Variants in PARP14 observed in about 807,000 individuals in gnomAD.
PARP14 encodes protein mono-ADP-ribosyltransferase PARP14.
A neutral mutation model predicts 154.2 loss-of-function variants in PARP14; 59 were observed. The observed-to-expected ratio is 0.38, with a 90% CI of 0.31 to 0.48. The LOEUF is 0.48. PARP14 is among the 20% of genes least tolerant of loss of function. PARP14 has a pLI of 0.98. For synonymous variants in PARP14, 720 were observed against 780.5 expected (o/e 0.92, Z 1.29); for missense variants, 1,734 against 2,131.6 (o/e 0.81, Z 3.67).
At chr3:122,694,292 T>C (rs1420348834) in intron 4 of PARP14, among the ~76,000 whole-genome samples, 2 of 152,186 alleles carry the variant, frequency 1.3e-5, no homozygotes, top group African/African-American at 4.8e-5. Context: ...GATCTTTCCC[T>C]ATCCATCTGG....
Position 122,720,270 on chromosome 3 carries a change from A to G in PARP14, c.4823A>G (p.His1608Arg), listed in dbSNP as rs749106059. 3.7e-6 allele frequency: 6 copies of G among 1,613,258 alleles called. No homozygotes were observed. The highest frequency in any genetic ancestry group is 5.1e-6 in the Non-Finnish European group (6 of 1,179,646). ...LTKSKVDIPA[H>R]WSDMKQQNFC... ...TCCTTTGCAGTTGACATCCCTGCAC[A>G]CTGGAGTGATATGAAGCAGCAGAAT... The change falls in exon 15 of 17, where the codon CAC becomes CGC. Residue 1608 changes from histidine (H) to arginine (R), a missense_variant. Physicochemically the swap from His to Arg is conservative, Grantham distance 29. Transcript: ENST00000474629.
intron 6 of PARP14, among the ~76,000 whole-genome samples, chr3:122,703,027 A>C (rs1187597676): frequency 2.0e-5 from 2 of 100,166 alleles, no homozygotes; most frequent in African/African-American, 6.8e-5. Context: ...AAAAAAACAA[A>C]AAACAAAAAA....
At chr3:122,714,148 G>A in intron 11 of PARP14, 114 bp from the exon 12 acceptor site, 1 of 896,776 alleles carries the variant, frequency 1.1e-6, no homozygotes, top group Middle Eastern at 2.5e-4. Flanking sequence ...TAGTATTTCA[G>A]GAGTTTTTTT....
At chr3:122,723,180 T>G (rs1455180108) in intron 15 of PARP14, among the ~76,000 whole-genome samples, 1 of 151,978 alleles carries the variant, frequency 6.6e-6, no homozygotes, top group East Asian at 1.9e-4. Flanking sequence ...CCTCAAGTGA[T>G]CCCCCCGCCT....
rs1435496068 is a variant in PARP14 at position 122,730,793 on chromosome 3, T to C, written c.*2196T>C. 1 of 152,660 alleles carries C rather than the reference T, an allele frequency of 6.6e-6. No individual in the cohort carries two copies. The highest frequency in any genetic ancestry group is 2.4e-5 in the African/African-American group (1 of 41,468). 9.5% of individuals were successfully genotyped at this position (152,660 alleles called of 1,614,324 possible). A position where few individuals can be genotyped will look rare whatever the true frequency, so the allele number is the denominator to read the frequency against. On this transcript the variant is annotated 3_prime_UTR_variant, in exon 17 of 17. Coordinates refer to ENST00000474629, the MANE Select transcript of PARP14 (RefSeq NM_017554.3). Reference sequence around the variant, plus strand: ...TATAGTTATCCTCAATCTAAATATGTCAACTGTCATTTTGCTACTTTTCAA... The same window carrying C: ...TATAGTTATCCTCAATCTAAATATGCCAACTGTCATTTTGCTACTTTTCAA...
intron 6 of PARP14, among the ~76,000 whole-genome samples, chr3:122,702,993 TA>T (rs10707029): frequency 0.35 from 28,936 of 83,536 alleles, 3,412 homozygotes; most frequent in East Asian, 0.53. Flanking sequence ...CCCTCTCTCT[TA>T]AAAAAAAAAA....
In PARP14 at chr3:122,728,393, G is replaced by A. The variant is rs768934315; in HGVS notation, c.5202G>A (p.Gly1734=). The A allele has an allele frequency of 1.6e-5, 26 of 1,613,558 alleles. No homozygotes were observed. In the Admixed American group the frequency reaches 4.0e-4, roughly 25 times the overall value. ...CGTACTCCAGACCAGATGCAAATGG[G>A]AGAAAGCATGTGTATTATGTGCGAG... ...NDTYSRPDAN[G]RKHVYYVRVL... Residue 1734 remains glycine, a synonymous_variant, in exon 17 of 17, where the codon GGG becomes GGA. Transcript: ENST00000474629.
chr3:122,682,441 C>T (rs993007994), intron 1 of PARP14, among the ~76,000 whole-genome samples: 4 of 152,022 alleles, frequency 2.6e-5, no homozygotes, highest in Non-Finnish European at 5.9e-5. Context: ...GGGTGGGAAG[C>T]GTGTATTTAA....
chr3:122,701,061 C>A lies in PARP14; in HGVS notation c.2507C>A (p.Ala836Glu). 2 of 1,613,948 alleles carry A rather than the reference C, an allele frequency of 1.2e-6. No individual in the cohort carries two copies. Among genetic ancestry groups the A allele is most frequent in the Non-Finnish European group, 1.7e-6 (2 of 1,179,844 alleles). Residue 836 changes from alanine to glutamate, a missense_variant, in exon 6 of 17, where the codon GCG (alanine) becomes GAG (glutamate). Physicochemically the swap from Ala to Glu is moderately radical, Grantham distance 107. Around this residue, in one of 2 missense-constraint regions of PARP14, gnomAD observed 1,646 missense variants for 1,976.0 expected, o/e 0.83. Transcript: ENST00000474629. This position sits in a 1 kb window ranked among gnomAD's most constrained non-coding sequence, Gnocchi z 4.0. Reference sequence around the variant, plus strand: ...AAGCATTATGGTGGCCTGGCCGCTGCGCTCTCAAAAGCAGCTGGCCCTGAG... The same window carrying A: ...AAGCATTATGGTGGCCTGGCCGCTGAGCTCTCAAAAGCAGCTGGCCCTGAG... ...DLKHYGGLAA[A>E]LSKAAGPELQ...
intron 4 of PARP14, among the ~76,000 whole-genome samples, chr3:122,694,737 C>T (rs1032786570): frequency 3.3e-5 from 5 of 152,164 alleles, no homozygotes; most frequent in Middle Eastern, 3.4e-3. Context: ...CCAGGCTTTT[C>T]TCGAACTCCT....
chr3:122,691,572 G>A (rs1261621190), intron 3 of PARP14, among the ~76,000 whole-genome samples: 4 of 152,154 alleles, frequency 2.6e-5, no homozygotes, highest in Admixed American at 1.3e-4. Flanking sequence ...TGTGTTAGGT[G>A]ATACCCATGT....
Position 122,701,325 on chromosome 3 carries a change from G to T in PARP14, c.2771G>T (p.Gly924Val), listed in dbSNP as rs762187881. The T allele has an allele frequency of 6.2e-7, 1 of 1,614,026 alleles. No homozygotes were observed. Among genetic ancestry groups the T allele is most frequent in the Non-Finnish European group, 8.5e-7 (1 of 1,179,890 alleles). ...RSIAIPAISS[G>V]VFGFPLGRCV... ...ATAGCCATCCCAGCTATTAGTTCTG[G>T]AGTCTTTGGCTTTCCCTTAGGCCGA... The change falls in exon 6 of 17, where the codon GGA becomes GTA. Residue 924 changes from glycine to valine, a missense_variant. By Grantham distance (109) the Gly-to-Val change is moderately radical (BLOSUM62 -3). Around this residue, in one of 2 missense-constraint regions of PARP14, gnomAD observed 1,646 missense variants for 1,976.0 expected, o/e 0.83. Coordinates refer to ENST00000474629, the MANE Select transcript of PARP14 (RefSeq NM_017554.3). This position sits in a 1 kb window ranked among gnomAD's most constrained non-coding sequence, Gnocchi z 4.0.
At chr3:122,696,807 G>A (rs1938792431) in intron 5 of PARP14, among the ~76,000 whole-genome samples, 1 of 152,044 alleles carries the variant, frequency 6.6e-6, no homozygotes, top group Non-Finnish European at 1.5e-5. Context: ...CACTCTCAAA[G>A]GTTCCCTTTC....
intron 8 of PARP14, among the ~76,000 whole-genome samples, chr3:122,706,891 A>T (rs1275020646): frequency 1.3e-5 from 2 of 152,070 alleles, no homozygotes; most frequent in African/African-American, 4.8e-5. Flanking sequence ...TCCAAAAATC[A>T]TGACTCCTCA....
rs370020431 is a variant in PARP14 at position 122,730,509 on chromosome 3, ATTAAC to A, written c.*1913_*1917del. 2.0e-5 allele frequency: 3 copies of A among 152,284 alleles called. No homozygotes were observed. Among genetic ancestry groups the A allele is most frequent in the African/African-American group, 7.2e-5 (3 of 41,452 alleles). The allele number at this position is 152,284 out of a possible 1,614,324, so 9.4% of individuals were successfully genotyped here. A position where few individuals can be genotyped will look rare whatever the true frequency, so the allele number is the denominator to read the frequency against. ...GCTAGGGGGCCACAGTTGCTGCTTCATTAACATAGAGGTTTTGGATTTTTTTCTCT... is the reference window on the plus strand; with the variant it reads ...GCTAGGGGGCCACAGTTGCTGCTTCAATAGAGGTTTTGGATTTTTTTCTCT... On this transcript the variant is annotated 3_prime_UTR_variant, in exon 17 of 17. Transcript: ENST00000474629.
At position 122,718,728 on chromosome 3, in the gene PARP14, C is replaced by T. The variant is rs1933069739; in HGVS notation, c.4577C>T (p.Ser1526Phe). 6.2e-7 allele frequency: 1 copy of T among 1,613,062 alleles called. No homozygotes were observed. Among genetic ancestry groups the T allele is most frequent in the Admixed American group, 1.7e-5 (1 of 59,902 alleles). ...KRVRLAKEQE[S>F]RADCISEFIE... ...GTTCGATTGGCCAAAGAACAGGAAT[C>T]CCGGGCAGATTGTATCAGTGAGTTT... is the stretch of plus-strand genomic sequence containing the variant. Residue 1526 changes from serine to phenylalanine, a missense_variant, in exon 14 of 17, where the codon TCC (serine) becomes TTC (phenylalanine). By Grantham distance (155) the Ser-to-Phe change is radical. Transcript: ENST00000474629.
intron 1 of PARP14, among the ~76,000 whole-genome samples, chr3:122,682,790 G>A (rs901785496): frequency 3.3e-5 from 5 of 152,078 alleles, no homozygotes; most frequent in Non-Finnish European, 7.4e-5. Flanking sequence ...GGTGGCTCAC[G>A]CCTGTTAATC....
intron 4 of PARP14, among the ~76,000 whole-genome samples, chr3:122,693,648 G>A (rs529530174): frequency 6.6e-6 from 1 of 151,308 alleles, no homozygotes; most frequent in African/African-American, 2.4e-5. Context: ...AGAGCAGCCT[G>A]GGCAACATAG....
At chr3:122,704,818 C>T (rs1939100759) in intron 8 of PARP14, 70 bp downstream of exon 8, 1 of 796,846 alleles carries the variant, frequency 1.3e-6, no homozygotes, top group Non-Finnish European at 2.0e-6. Flanking sequence ...TCTTTTTGGT[C>T]TAACAGGATA....
Sources: allele counts gnomAD v4.1 joint callset (sites outside exome capture counted in the v4.1 genomes callset), GRCh38; gene constraint gnomAD v4.1.1; regional missense constraint gnomAD v4.1.1; non-coding constraint Gnocchi (gnomAD v3.1); transcripts MANE v1.5; gene names NCBI Gene and HGNC (gene_info 2026-07-23, HGNC 2026-07-21).